The following CDKN2B-AS1 variants were observed in gnomAD, a reference collection of about 807,000 sequenced individuals.
CDKN2B-AS1 encodes the protein CDKN2B antisense RNA 1 (non-protein coding).
At chr9:22,044,820 C>G (rs1823039163) in intron 1 of CDKN2B-AS1, among the ~76,000 whole-genome samples, 1 of 151,700 alleles carries the variant, frequency 6.6e-6, no homozygotes, top group Admixed American at 6.6e-5. Context: ...GTCATCTTGG[C>G]TGGGAAAGAA....
chr9:22,086,318 G>T (rs924535409), intron 4 of CDKN2B-AS1, among the ~76,000 whole-genome samples: 2 of 152,040 alleles, frequency 1.3e-5, no homozygotes, highest in East Asian at 3.9e-4. Context: ...ATAAAGCCAA[G>T]AATTATGCTT....
At chr9:22,103,627 A>C (rs779524143) in intron 4 of CDKN2B-AS1, among the ~76,000 whole-genome samples, 6 of 152,210 alleles carry the variant, frequency 3.9e-5, no homozygotes, top group Non-Finnish European at 8.8e-5. Context: ...TGTAGAAATA[A>C]TTAAATTTAT....
chr9:22,065,214 T>C (rs1364002002), intron 4 of CDKN2B-AS1, among the ~76,000 whole-genome samples: 1 of 152,182 alleles, frequency 6.6e-6, no homozygotes, highest in Non-Finnish European at 1.5e-5. Flanking sequence ...CTCTGTGTTT[T>C]TCTATTACAA....
At chr9:22,043,775 G>C (rs1369086484) in intron 1 of CDKN2B-AS1, among the ~76,000 whole-genome samples, 1 of 151,918 alleles carries the variant, frequency 6.6e-6, no homozygotes, top group East Asian at 1.9e-4. Flanking sequence ...TCACTAGGTT[G>C]ATGTGCTAGT....
At chr9:22,021,825 A>G (rs902949838) in intron 1 of CDKN2B-AS1, among the ~76,000 whole-genome samples, 5 of 152,104 alleles carry the variant, frequency 3.3e-5, no homozygotes, top group African/African-American at 9.7e-5. Context: ...ATTCAATACT[A>G]TGTTGAATAG....
rs1822813852 is a variant in CDKN2B-AS1 at position 22,039,381 on chromosome 9, C to G, written n.30-7370C>G. Among the ~76,000 whole-genome samples the G allele has an allele frequency of 6.6e-6, 1 of 151,968 alleles. No homozygotes were observed. The highest frequency in any genetic ancestry group is 6.6e-5 in the Admixed American group (1 of 15,224). On this transcript the variant is annotated intron_variant and non_coding_transcript_variant, in intron 1 of 4. Coordinates refer to ENST00000650946, the Ensembl canonical transcript of CDKN2B-AS1. This position sits in a 1 kb window ranked among gnomAD's most constrained non-coding sequence, Gnocchi z 4.4. Reference sequence around the variant, plus strand: ...TTTTTCTTTTCGCTCTTGTCCTTCACCTTCCTGTGGCAACAAGAGTCAATT... The same window carrying G: ...TTTTTCTTTTCGCTCTTGTCCTTCAGCTTCCTGTGGCAACAAGAGTCAATT...
chr9:22,097,735 G>T, intron 4 of CDKN2B-AS1, among the ~76,000 whole-genome samples: 1 of 152,208 alleles, frequency 6.6e-6, no homozygotes, highest in Middle Eastern at 3.2e-3. Flanking sequence ...GCAGGTAGCA[G>T]GTAGTGCTAA....
At chr9:22,080,367 A>G (rs1028338910) in intron 4 of CDKN2B-AS1, among the ~76,000 whole-genome samples, 3 of 152,220 alleles carry the variant, frequency 2.0e-5, no homozygotes, top group African/African-American at 7.2e-5. Context: ...CGTGTTCACT[A>G]TGATCAAGCT....
chr9:22,053,659 A>G (rs1306766037), intron 3 of CDKN2B-AS1, among the ~76,000 whole-genome samples: 2 of 152,242 alleles, frequency 1.3e-5, no homozygotes, highest in Admixed American at 1.3e-4. Context: ...AAGAGAATGC[A>G]AGTATATGCT....
intron 4 of CDKN2B-AS1, among the ~76,000 whole-genome samples, chr9:22,080,984 A>G (rs1031800542): frequency 6.6e-6 from 1 of 152,182 alleles, no homozygotes; most frequent in African/African-American, 2.4e-5. Flanking sequence ...CTAGTAGAAA[A>G]ATAAAGAGTT....
At chr9:22,099,860 G>T (rs988803540) in intron 4 of CDKN2B-AS1, among the ~76,000 whole-genome samples, 1 of 152,284 alleles carries the variant, frequency 6.6e-6, no homozygotes, top group African/African-American at 2.4e-5. Flanking sequence ...TGCATAAAGC[G>T]TCTCTAGAAT....
At chr9:22,013,108 C>G (rs1821584129) in intron 1 of CDKN2B-AS1, among the ~76,000 whole-genome samples, 1 of 152,160 alleles carries the variant, frequency 6.6e-6, no homozygotes, top group African/African-American at 2.4e-5. Flanking sequence ...ACACGTGCCC[C>G]TGGATCTCTT....
chr9:22,021,025 TTACTC>T (rs2131222462), intron 1 of CDKN2B-AS1, among the ~76,000 whole-genome samples: 1 of 152,336 alleles, frequency 6.6e-6, no homozygotes, highest in South Asian at 2.1e-4. Context: ...ATTTAAGTCT[TTACTC>T]TATCTTGAGT....
chr9:22,092,038 T>C (rs575543259), intron 4 of CDKN2B-AS1, among the ~76,000 whole-genome samples: 2 of 152,204 alleles, frequency 1.3e-5, no homozygotes, highest in East Asian at 3.9e-4. Context: ...ATGAAGGTTG[T>C]TGAATTTTGT....
intron 1 of CDKN2B-AS1, chr9:22,029,787 T>A (rs930849871): frequency 6.2e-6 from 2 of 322,648 alleles, no homozygotes; most frequent in African/African-American, 4.3e-5. Flanking sequence ...GTATTTATAA[T>A]CACTAAGATG....
At position 22,005,554 on chromosome 9, in the gene CDKN2B-AS1, T is replaced by A; in HGVS notation, n.29+10393T>A. The stretch of plus-strand genomic sequence containing the variant: ...GTTCACCATAACTCCTCAGCAGACA[T>A]TGGAGTGAACGCATCGACTGCCGTC... On this transcript the variant is annotated intron_variant and non_coding_transcript_variant, in intron 1 of 4. Coordinates refer to ENST00000650946, the Ensembl canonical transcript of CDKN2B-AS1. This position sits in a 1 kb window ranked among gnomAD's most constrained non-coding sequence, Gnocchi z 4.9. The A allele has an allele frequency of 5.2e-6, 2 of 384,054 alleles. No homozygotes were observed. Among genetic ancestry groups the A allele is most frequent in the Non-Finnish European group, 4.8e-6 (1 of 206,672 alleles). The allele number at this position is 384,054 out of a possible 1,614,324, so 23.8% of individuals were successfully genotyped here.
intron 1 of CDKN2B-AS1, chr9:22,004,200 A>G: frequency 4.3e-6 from 1 of 232,506 alleles, no homozygotes; most frequent in East Asian, 6.1e-5. Flanking sequence ...TTCTCAACTA[A>G]CTTTCCCCAG....
At chr9:22,076,989 A>G (rs979424086) in intron 4 of CDKN2B-AS1, among the ~76,000 whole-genome samples, 2 of 152,086 alleles carry the variant, frequency 1.3e-5, no homozygotes, top group Non-Finnish European at 2.9e-5. Context: ...CTGGCCTACA[A>G]TGCACTAATA....
intron 4 of CDKN2B-AS1, among the ~76,000 whole-genome samples, chr9:22,089,016 G>GT (rs1312685697): frequency 6.6e-6 from 1 of 152,146 alleles, no homozygotes; most frequent in African/African-American, 2.4e-5. Context: ...CTTGGCATTT[G>GT]TTTTTTACAT....
Sources: gnomAD v4.1 joint callset for allele counts (sites outside exome capture counted in the v4.1 genomes callset) on GRCh38, gnomAD v4.1.1 for gene constraint, Gnocchi (gnomAD v3.1) non-coding constraint, MANE v1.5 for transcripts, NCBI Gene and HGNC (gene_info 2026-07-23, HGNC 2026-07-21) for gene names.